The following TDRD5 variants were observed in gnomAD, a reference collection of about 807,000 sequenced individuals.
The protein encoded by TDRD5 is tudor domain-containing protein 5.
Under a neutral mutation model 120.6 loss-of-function variants are expected in TDRD5, and 41 were observed. The ratio of observed to expected loss-of-function variants is 0.34; its 90% CI spans 0.26 to 0.44. TDRD5 has a LOEUF of 0.44. Ranked by LOEUF, TDRD5 falls within the 20% of genes least tolerant of loss-of-function variation. TDRD5 has a pLI of 1.00. For synonymous variants in TDRD5, 430 were observed against 433.7 expected, an observed-to-expected ratio of 0.99 and a Z score of 0.11; for missense variants, 1,006 against 1,221.2, an observed-to-expected ratio of 0.82 and a Z score of 2.63.
At position 179,618,594 on chromosome 1, in the gene TDRD5, C is replaced by A; in HGVS notation, c.832-5C>A. 6.4e-7 allele frequency: 1 copy of A among 1,564,740 alleles called. No individual in the cohort carries two copies. On this transcript the variant is annotated splice_polypyrimidine_tract_variant and splice_region_variant and intron_variant, in intron 4 of 17. Transcript: ENST00000444136. ...TGACTTGACTTTTTTTTTCTTTTTT[C>A]ATAGCTGGAGAACACATTCAAATCA...
At chr1:179,652,007 T>G (rs1198012733) in intron 12 of TDRD5, 32 bp from the exon 13 acceptor site, 4 of 1,605,404 alleles carry the variant, frequency 2.5e-6, no homozygotes, top group Non-Finnish European at 3.4e-6. Flanking sequence ...GTCATGTAAA[T>G]TAAACCATCC....
At chr1:179,614,853 T>C (rs1282157630) in intron 4 of TDRD5, among the ~76,000 whole-genome samples, 1 of 152,204 alleles carries the variant, frequency 6.6e-6, no homozygotes, top group African/African-American at 2.4e-5. Flanking sequence ...TCAAGCTGTT[T>C]GACATGTATT....
chr1:179,669,941 T>G (rs1225495000), intron 17 of TDRD5, among the ~76,000 whole-genome samples: 1 of 152,268 alleles, frequency 6.6e-6, no homozygotes, highest in Non-Finnish European at 1.5e-5. Flanking sequence ...ATTTATTTGC[T>G]GAATAGTATT....
intron 4 of TDRD5, among the ~76,000 whole-genome samples, chr1:179,604,808 T>C (rs182161131): frequency 1.5e-3 from 233 of 152,308 alleles, no homozygotes; most frequent in Admixed American, 2.9e-3. Flanking sequence ...TGGTCTATCT[T>C]GGAGAAAGTT....
At chr1:179,628,459 C>T (rs1253081183) in intron 6 of TDRD5, among the ~76,000 whole-genome samples, 1 of 131,908 alleles carries the variant, frequency 7.6e-6, no homozygotes, top group East Asian at 2.2e-4. Context: ...CTACCATGTC[C>T]AGCTAAGTTT....
At chr1:179,679,132 T>G (rs1572438177) in intron 17 of TDRD5, among the ~76,000 whole-genome samples, 5 of 152,214 alleles carry the variant, frequency 3.3e-5, no homozygotes, top group Non-Finnish European at 7.4e-5. Context: ...ATGCTGTTGC[T>G]TGTTTTAATT....
rs1680954898 is a variant in TDRD5, at chr1:179,689,178, G to T, written c.2861-1518G>T. Among the ~76,000 whole-genome samples the T allele has an allele frequency of 2.6e-5, 4 of 152,150 alleles. No individual in the cohort carries two copies. In the South Asian group the frequency reaches 6.2e-4, roughly 24 times the overall value. On this transcript the variant is annotated intron_variant, in intron 17 of 17. Coordinates refer to ENST00000444136, the MANE Select transcript of TDRD5 (RefSeq NM_001199085.3). ...TCTGCTCTGGTTTCTCCCCATCTTT[G>T]TAGTTTTATCTACCTTTGGTCTTTG...
chr1:179,648,456 G>T (rs10047184), intron 11 of TDRD5, among the ~76,000 whole-genome samples: 8 of 75,854 alleles, frequency 1.1e-4, no homozygotes, highest in Admixed American at 3.4e-4. Context: ...GTGGGGTGGG[G>T]GGGGGGAGGG....
chr1:179,598,180 A>G (rs1675508857), intron 4 of TDRD5, among the ~76,000 whole-genome samples: 1 of 152,248 alleles, frequency 6.6e-6, no homozygotes, highest in African/African-American at 2.4e-5. Flanking sequence ...GTATTTGTGT[A>G]TCTAAACATA....
Position 179,593,245 on chromosome 1 carries a change from G to C in TDRD5, c.233-215G>C, listed in dbSNP as rs377039847. Among the ~76,000 whole-genome samples the C allele has an allele frequency of 4.6e-5, 7 of 152,326 alleles. 1 individual carries two copies. In the East Asian group the frequency reaches 1.2e-3, roughly 25 times the overall value. On this transcript the variant is annotated intron_variant, in intron 2 of 17. Transcript: ENST00000444136. ...CTGTCAGGGGTCAATTAGTTGTAATGATAATACATTGAGTTAACTTTTCTT... is the reference window on the plus strand; with the variant it reads ...CTGTCAGGGGTCAATTAGTTGTAATCATAATACATTGAGTTAACTTTTCTT...
intron 3 of TDRD5, among the ~76,000 whole-genome samples, chr1:179,595,371 G>A (rs1438236526): frequency 6.6e-6 from 1 of 152,018 alleles, no homozygotes; most frequent in South Asian, 2.1e-4. Context: ...ATTAGATTCA[G>A]GTGACCTTAA....
At chr1:179,684,909 AATTT>A (rs1275485615) in intron 17 of TDRD5, among the ~76,000 whole-genome samples, 1 of 151,980 alleles carries the variant, frequency 6.6e-6, no homozygotes, top group Non-Finnish European at 1.5e-5. Flanking sequence ...TTTTCTTGTA[AATTT>A]ATTTAAGTTC....
At chr1:179,682,332 T>C (rs1013303647) in intron 17 of TDRD5, among the ~76,000 whole-genome samples, 3 of 152,080 alleles carry the variant, frequency 2.0e-5, no homozygotes, top group African/African-American at 2.4e-5. Context: ...GCCATGGTGG[T>C]TTACTGCACC....
At chr1:179,687,742 A>G (rs1189442780) in intron 17 of TDRD5, among the ~76,000 whole-genome samples, 1 of 151,938 alleles carries the variant, frequency 6.6e-6, no homozygotes. Flanking sequence ...TTGGGTGCAT[A>G]TATATTTAGG....
chr1:179,633,357 C>CTT (rs577434818), intron 7 of TDRD5, among the ~76,000 whole-genome samples: 3 of 145,212 alleles, frequency 2.1e-5, no homozygotes, highest in East Asian at 4.0e-4. Flanking sequence ...TGTCTGGAAT[C>CTT]TTTTTTTTTT....
At chr1:179,627,447 C>A (rs1677191627) in intron 6 of TDRD5, among the ~76,000 whole-genome samples, 1 of 152,082 alleles carries the variant, frequency 6.6e-6, no homozygotes, top group Admixed American at 6.6e-5. Context: ...TGAACATATG[C>A]AAAATTATTT....
At chr1:179,683,681 C>T (rs1352747007) in intron 17 of TDRD5, among the ~76,000 whole-genome samples, 3 of 152,212 alleles carry the variant, frequency 2.0e-5, no homozygotes, top group African/African-American at 7.2e-5. Context: ...TAGAACAGTG[C>T]TATTCAAAAT....
At chr1:179,614,829 G>A (rs1013379815) in intron 4 of TDRD5, among the ~76,000 whole-genome samples, 8 of 152,064 alleles carry the variant, frequency 5.3e-5, no homozygotes, top group African/African-American at 9.7e-5. Context: ...TGTATACATT[G>A]TGGAATGGCT....
chr1:179,682,374 C>G (rs187551815), intron 17 of TDRD5, among the ~76,000 whole-genome samples: 1 of 152,074 alleles, frequency 6.6e-6, no homozygotes, highest in Non-Finnish European at 1.5e-5. Context: ...AGGTATTTGT[C>G]TTAATGCTAT....
Sources: allele counts gnomAD v4.1 joint callset (sites outside exome capture counted in the v4.1 genomes callset), GRCh38; gene constraint gnomAD v4.1.1; transcripts MANE v1.5; gene names NCBI Gene and HGNC (gene_info 2026-07-23, HGNC 2026-07-21).